The following RETREG1 variants were observed in gnomAD, a reference collection of about 807,000 sequenced individuals.
RETREG1 encodes family with sequence similarity 134 member B.
In RETREG1, 44 loss-of-function variants were observed where a neutral mutation model predicts 54.8. The observed-to-expected ratio is 0.80, with a 90% confidence interval of 0.63 to 1.03. The LOEUF (loss-of-function observed/expected upper bound fraction) is 1.03, where lower values mean the gene tolerates loss of function less well. RETREG1 is among the 50% of genes least tolerant of loss of function. The probability of loss-of-function intolerance (pLI) is 0.00; values close to 1 mark genes in which losing one functional copy is unlikely to be tolerated. For synonymous variants in RETREG1, 217 were observed against 238.5 expected, an observed-to-expected ratio of 0.91 and a Z score of 0.83; for missense variants, 554 against 605.1, an observed-to-expected ratio of 0.92 and a Z score of 0.89.
At chr5:16,527,358 C>G (rs1453620990) in intron 3 of RETREG1, among the ~76,000 whole-genome samples, 1 of 152,184 alleles carries the variant, frequency 6.6e-6, no homozygotes, top group Non-Finnish European at 1.5e-5. Context: ...CCTTATACAT[C>G]TGAACACAAG....
chr5:16,483,650 A>G (rs1385364569), intron 3 of RETREG1, among the ~76,000 whole-genome samples, 178 bp from the exon 4 acceptor site: 1 of 152,156 alleles, frequency 6.6e-6, no homozygotes, highest in African/African-American at 2.4e-5. Context: ...GTCAAAAGAA[A>G]CAATTAGCTG....
chr5:16,564,167 C>G (rs1741944487), intron 3 of RETREG1, among the ~76,000 whole-genome samples: 1 of 152,192 alleles, frequency 6.6e-6, no homozygotes, highest in African/African-American at 2.4e-5. Flanking sequence ...CTTTATCCTC[C>G]TCTTTACTAC....
At chr5:16,541,530 T>C (rs1361145924) in intron 3 of RETREG1, among the ~76,000 whole-genome samples, 1 of 151,880 alleles carries the variant, frequency 6.6e-6, no homozygotes, top group African/African-American at 2.4e-5. Context: ...CTACTAAAAA[T>C]ACAAAAATTA....
intron 1 of RETREG1, among the ~76,000 whole-genome samples, chr5:16,606,303 C>T (rs1156753888): frequency 3.3e-5 from 5 of 152,206 alleles, no homozygotes; most frequent in South Asian, 2.1e-4. Flanking sequence ...CTGCCACTCT[C>T]CTTCTCAAGG....
chr5:16,541,359 G>A (rs147297770), intron 3 of RETREG1, among the ~76,000 whole-genome samples: 20 of 152,262 alleles, frequency 1.3e-4, no homozygotes, highest in African/African-American at 2.4e-4. Context: ...TCACTAAAAC[G>A]AACTGCCTCG....
chr5:16,499,454 C>A (rs760770178), intron 3 of RETREG1, among the ~76,000 whole-genome samples: 2 of 152,226 alleles, frequency 1.3e-5, no homozygotes, highest in Non-Finnish European at 2.9e-5. Flanking sequence ...TCATAACCCC[C>A]TTACCTTATG....
chr5:16,490,444 T>C (rs1395977533), intron 3 of RETREG1, among the ~76,000 whole-genome samples: 2 of 152,204 alleles, frequency 1.3e-5, no homozygotes, highest in Non-Finnish European at 2.9e-5. Context: ...AATTAGGTTA[T>C]ATAATAAATC....
intron 3 of RETREG1, among the ~76,000 whole-genome samples, chr5:16,546,962 AC>A (rs1479672817): frequency 2.6e-5 from 4 of 152,322 alleles, no homozygotes; most frequent in African/African-American, 9.6e-5. Flanking sequence ...TCAAAGCCCA[AC>A]CATGGACAAC....
At chr5:16,503,701 C>CTAAA (rs1739825601) in intron 3 of RETREG1, among the ~76,000 whole-genome samples, 1 of 148,508 alleles carries the variant, frequency 6.7e-6, no homozygotes, top group African/African-American at 2.5e-5. Flanking sequence ...GAAAAGAAAA[C>CTAAA]TAAATAATTC....
chr5:16,509,038 CT>C (rs11403979), intron 3 of RETREG1: 23,258 of 904,480 alleles, frequency 0.026, 31 homozygotes, highest in South Asian at 0.053. Context: ...CTTCCCCCGG[CT>C]TTTTTTTTTT....
rs1579641691 is a variant in RETREG1, at chr5:16,521,574, T to TG, written c.459-38103_459-38102insC. 2.0e-5 allele frequency among the ~76,000 whole-genome samples: 3 copies of TG among 152,288 alleles called. No homozygotes were observed. The East Asian group carries it at 5.8e-4, about 29-fold the overall frequency. Reference sequence around the variant, plus strand: ...TTAGCAAACGTAAGGAAGTGGAAATTTTCAAAGTCCACACACCATAGAGAC... The same window carrying TG: ...TTAGCAAACGTAAGGAAGTGGAAATTGTTCAAAGTCCACACACCATAGAGAC... On this transcript the variant is annotated intron_variant, in intron 3 of 8. Coordinates refer to ENST00000306320, the MANE Select transcript of RETREG1 (RefSeq NM_001034850.3).
In RETREG1 at chr5:16,521,776, T is replaced by C. The variant is rs1378189018; in HGVS notation, c.459-38304A>G. Among the ~76,000 whole-genome samples, 3 of 152,258 alleles carry C rather than the reference T, an allele frequency of 2.0e-5. No homozygotes were observed. In the East Asian group the frequency reaches 5.8e-4, roughly 29 times the overall value. On this transcript the variant is annotated intron_variant, in intron 3 of 8. Coordinates refer to ENST00000306320, the MANE Select transcript of RETREG1 (RefSeq NM_001034850.3). ...GATCTTCCTTATTGCACTCTGCTGA[T>C]GTCAGGTTTAAAGGATTTCAGTCCT... is the stretch of plus-strand genomic sequence containing the variant.
chr5:16,559,671 T>C (rs1741803352), intron 3 of RETREG1, among the ~76,000 whole-genome samples: 1 of 152,264 alleles, frequency 6.6e-6, no homozygotes, highest in South Asian at 2.1e-4. Context: ...TGATTTGTTG[T>C]ATGTAAAGTT....
At chr5:16,508,491 T>C (rs1488255812) in intron 3 of RETREG1, 1 of 1,284,322 alleles carries the variant, frequency 7.8e-7, no homozygotes, top group African/African-American at 1.5e-5. Context: ...TTAAACTCCT[T>C]TTTAAATTAG....
At chr5:16,600,397 G>A (rs984228698) in intron 1 of RETREG1, among the ~76,000 whole-genome samples, 1 of 152,218 alleles carries the variant, frequency 6.6e-6, no homozygotes, top group Non-Finnish European at 1.5e-5. Flanking sequence ...ACAGAAGTAG[G>A]AGGTTGTTCT....
intron 3 of RETREG1, among the ~76,000 whole-genome samples, chr5:16,487,101 A>G (rs748848144): frequency 3.3e-5 from 5 of 152,208 alleles, no homozygotes; most frequent in Non-Finnish European, 7.3e-5. Flanking sequence ...ACCATGCAAC[A>G]TAAGGCCCAA....
chr5:16,603,553 C>T (rs1383446076), intron 1 of RETREG1, among the ~76,000 whole-genome samples: 2 of 152,074 alleles, frequency 1.3e-5, no homozygotes, highest in Non-Finnish European at 2.9e-5. Context: ...GGTGGGAGAG[C>T]GGCTGCCTAC....
At chr5:16,547,899 TA>T (rs981801264) in intron 3 of RETREG1, among the ~76,000 whole-genome samples, 7 of 151,772 alleles carry the variant, frequency 4.6e-5, no homozygotes, top group Non-Finnish European at 8.8e-5. Context: ...ATAATTATGG[TA>T]AAAAAAATTC....
intron 3 of RETREG1, chr5:16,509,504 C>T (rs973442580): frequency 2.6e-5 from 4 of 152,110 alleles, no homozygotes; most frequent in African/African-American, 7.2e-5. Context: ...AGCCATCCCT[C>T]ATTTGCTTTT....
Sources: allele counts gnomAD v4.1 joint callset (sites outside exome capture counted in the v4.1 genomes callset), GRCh38; gene constraint gnomAD v4.1.1; transcripts MANE v1.5; gene names NCBI Gene and HGNC (gene_info 2026-07-23, HGNC 2026-07-21).